The following CRACDL variants were observed in gnomAD, a reference collection of about 807,000 sequenced individuals.
CRACDL encodes CRACD like, also known as CRACD-like protein.
In CRACDL, 26 loss-of-function variants were observed where a neutral mutation model predicts 70.6. The observed-to-expected ratio is 0.37, with a 90% CI of 0.27 to 0.51. The LOEUF (loss-of-function observed/expected upper bound fraction) is 0.51. CRACDL is among the 20% of genes least tolerant of loss of function. CRACDL has a pLI of 0.94. For missense variants in CRACDL, 1,283 were observed against 1,376.9 expected (o/e 0.93, Z 1.08); for synonymous variants, 618 against 615.2 (o/e 1.00, Z -0.07).
chr2:98,930,185 G>T (rs1403328041), intron 1 of CRACDL, among the ~76,000 whole-genome samples: 1 of 152,130 alleles, frequency 6.6e-6, no homozygotes, highest in African/African-American at 2.4e-5. Flanking sequence ...TGGCCCCCAT[G>T]CAAGTGCTTC....
intron 1 of CRACDL, among the ~76,000 whole-genome samples, chr2:98,917,205 A>C (rs1708687609): frequency 6.6e-6 from 1 of 152,226 alleles, no homozygotes; most frequent in Non-Finnish European, 1.5e-5. Context: ...ACTCCGGCAG[A>C]CGAATGACTC....
intron 5 of CRACDL, 57 bp from the exon 6 acceptor site, chr2:98,827,226 A>G: frequency 8.1e-7 from 1 of 1,239,040 alleles, no homozygotes; most frequent in South Asian, 1.3e-5. Context: ...TGAAATAAGG[A>G]CGACCAACGC....
Position 98,912,102 on chromosome 2 carries a change from G to T in CRACDL, c.-11+23836C>A, listed in dbSNP as rs558274974. ...AGAGAGTGACAAGTGCTGCTCCCCT[G>T]TTTTCTGGTGTGACAACCACTGGCG... On this transcript the variant is annotated intron_variant, in intron 1 of 9. Transcript: ENST00000397899. 2.2e-4 allele frequency among the ~76,000 whole-genome samples: 34 copies of T among 152,276 alleles called. 1 individual carries two copies. In the South Asian group the frequency reaches 7.0e-3, roughly 32 times the overall value.
intron 1 of CRACDL, among the ~76,000 whole-genome samples, chr2:98,886,570 T>C (rs1030840309): frequency 2.0e-5 from 3 of 152,194 alleles, no homozygotes; most frequent in Non-Finnish European, 4.4e-5. Flanking sequence ...TGGTTGAGTG[T>C]TGAAAGGAGT....
At chr2:98,899,560 G>A (rs1456106081) in intron 1 of CRACDL, among the ~76,000 whole-genome samples, 1 of 152,252 alleles carries the variant, frequency 6.6e-6, no homozygotes, top group Non-Finnish European at 1.5e-5. Context: ...CAGGCAAGGG[G>A]AGTGCCCTAG....
At position 98,823,373 on chromosome 2, in the gene CRACDL, C is replaced by G. The variant is rs1559216254; in HGVS notation, c.900G>C (p.Pro300=). The change falls in exon 7 of 10, where the codon CCG becomes CCC. Residue 300 remains proline (P), a synonymous_variant. Transcript: ENST00000397899. This position sits in a 1 kb window ranked among gnomAD's most constrained non-coding sequence, Gnocchi z 4.0. ...GTCTGGCACGGGCCCCTCCGGGTGG[C>G]GGCAAGGGCGCCGGTGGCCCAGGCT... ...GPEPGPPAPL[P]PPGGARARRA... The G allele has an allele frequency of 1.4e-5, 22 of 1,532,426 alleles. No individual in the cohort carries two copies. Among genetic ancestry groups the G allele is most frequent in the Non-Finnish European group, 1.7e-5 (20 of 1,146,982 alleles). The allele number at this position is 1,532,426 out of a possible 1,614,324, so 94.9% of individuals were successfully genotyped here. A position where few individuals can be genotyped will look rare whatever the true frequency, so the allele number is the denominator to read the frequency against.
At chr2:98,863,892 G>T (rs942455500) in intron 1 of CRACDL, among the ~76,000 whole-genome samples, 1 of 152,182 alleles carries the variant, frequency 6.6e-6, no homozygotes, top group African/African-American at 2.4e-5. Context: ...AATGGTGACT[G>T]CCAGGGGCTG....
intron 3 of CRACDL, among the ~76,000 whole-genome samples, chr2:98,835,458 A>G (rs1705731883): frequency 6.6e-6 from 1 of 152,260 alleles, no homozygotes; most frequent in Non-Finnish European, 1.5e-5. Context: ...GCCATCAAAG[A>G]TGAATGGGGT....
chr2:98,917,098 A>G (rs1266174559), intron 1 of CRACDL, among the ~76,000 whole-genome samples: 1 of 152,046 alleles, frequency 6.6e-6, no homozygotes, highest in Non-Finnish European at 1.5e-5. Context: ...TCGGCCCACT[A>G]TCCTTCCTGC....
At chr2:98,798,341 G>A (rs1703922254) in intron 7 of CRACDL, among the ~76,000 whole-genome samples, 1 of 151,128 alleles carries the variant, frequency 6.6e-6, no homozygotes, top group Non-Finnish European at 1.5e-5. Context: ...ACACTCTGGA[G>A]GCTGAGGCAG....
intron 1 of CRACDL, among the ~76,000 whole-genome samples, chr2:98,870,392 A>G (rs1707297966): frequency 6.6e-6 from 1 of 152,260 alleles, no homozygotes; most frequent in Non-Finnish European, 1.5e-5. Context: ...AATACATTTG[A>G]TGATGACAGA....
intron 5 of CRACDL, among the ~76,000 whole-genome samples, chr2:98,828,042 T>C (rs992856481): frequency 2.6e-5 from 4 of 152,238 alleles, no homozygotes; most frequent in African/African-American, 9.6e-5. Context: ...TCATTTATAC[T>C]TCAGCACGGA....
chr2:98,836,784 TA>T lies in CRACDL; in HGVS notation c.239+1334del, dbSNP rs890953301. Reference sequence around the variant, plus strand: ...TTCCCCAAGAGTTCAGAGAACCGCCTAAAAAAAATGCATGCACGCCGGGCGC... The same window carrying T: ...TTCCCCAAGAGTTCAGAGAACCGCCTAAAAAAATGCATGCACGCCGGGCGC... On this transcript the variant is annotated intron_variant, in intron 3 of 9. Coordinates refer to ENST00000397899, the MANE Select transcript of CRACDL (RefSeq NM_207362.3). Among the ~76,000 whole-genome samples the T allele has an allele frequency of 2.6e-5, 4 of 151,814 alleles. No homozygotes were observed. The South Asian group carries it at 6.2e-4, about 24-fold the overall frequency.
At chr2:98,891,218 A>G (rs530649280) in intron 1 of CRACDL, among the ~76,000 whole-genome samples, 1 of 151,664 alleles carries the variant, frequency 6.6e-6, no homozygotes, top group South Asian at 2.1e-4. Flanking sequence ...CTCTACTAAA[A>G]ATAAAAAAAT....
In CRACDL at chr2:98,832,933, C is replaced by T. The variant is rs775652941; in HGVS notation, c.304G>A (p.Gly102Arg). 28 of 1,613,934 alleles carry T rather than the reference C, an allele frequency of 1.7e-5. No individual in the cohort carries two copies. Among genetic ancestry groups the T allele is most frequent in the East Asian group, 6.7e-5 (3 of 44,892 alleles). ...CGCACAGGCCGAGTAGCGTCCTGTC[C>T]GGACTCAGGAATGAAAATACTGTCG... ...SHDSIFIPES[G>R]QDATRPVRVF... Residue 102 changes from glycine to arginine, a missense_variant, in exon 4 of 10, where the codon GGA becomes AGA. Transcript: ENST00000397899.
At position 98,850,631 on chromosome 2, in the gene CRACDL, A is replaced by C. The variant is rs959067595; in HGVS notation, c.-10-3821T>G. Among the ~76,000 whole-genome samples the C allele has an allele frequency of 2.0e-5, 3 of 152,244 alleles. No homozygotes were observed. In the East Asian group the frequency reaches 5.8e-4, roughly 29 times the overall value. On this transcript the variant is annotated intron_variant, in intron 1 of 9. Coordinates refer to ENST00000397899, the MANE Select transcript of CRACDL (RefSeq NM_207362.3). ...AGAGCTCCAAGTCCAAGTTAAAGAA[A>C]ACTTACTCTTTAAGCTAAATCTGGA...
chr2:98,870,322 A>T (rs867596995), intron 1 of CRACDL, among the ~76,000 whole-genome samples: 2 of 152,238 alleles, frequency 1.3e-5, no homozygotes, highest in African/African-American at 4.8e-5. Flanking sequence ...TGTTTTCCAA[A>T]TGGCAACTGT....
intron 5 of CRACDL, among the ~76,000 whole-genome samples, chr2:98,831,976 C>T (rs1041512713): frequency 3.3e-5 from 5 of 152,178 alleles, no homozygotes; most frequent in African/African-American, 1.2e-4. Flanking sequence ...CTACTTCCCC[C>T]TCCCACCGGC....
At chr2:98,825,641 G>A (rs151229019) in intron 6 of CRACDL, among the ~76,000 whole-genome samples, 203 of 152,332 alleles carry the variant, frequency 1.3e-3, no homozygotes, top group African/African-American at 4.6e-3. Flanking sequence ...CATTCAGCAC[G>A]AGTACAGGCA....
Sources: allele counts gnomAD v4.1 joint callset (sites outside exome capture counted in the v4.1 genomes callset), GRCh38; gene constraint gnomAD v4.1.1; non-coding constraint Gnocchi (gnomAD v3.1); transcripts MANE v1.5; gene names NCBI Gene and HGNC (gene_info 2026-07-23, HGNC 2026-07-21).